Variants in DHRSX observed in about 807,000 individuals in gnomAD.
DHRSX encodes polyprenol dehydrogenase.
Under a neutral mutation model 34.0 loss-of-function variants are expected in DHRSX, and 31 were observed. The observed-to-expected ratio is 0.91, with a 90% CI of 0.69 to 1.23. The LOEUF (loss-of-function observed/expected upper bound fraction) is 1.23. DHRSX is among the 50% of genes most tolerant of loss of function. The pLI is 0.00. For missense variants in DHRSX, 414 were observed against 428.1 expected (o/e 0.97, Z 0.29); for synonymous variants, 201 against 183.8 (o/e 1.09, Z -0.76).
chrX:2,266,995 G>A lies in DHRSX; in HGVS notation c.389-48C>T, dbSNP rs2041484083. The A allele has an allele frequency of 8.2e-6, 13 of 1,592,696 alleles. No homozygotes were observed. In the East Asian group the frequency reaches 2.7e-4, roughly 33 times the overall value. ...AGGAGTTAGACTGGGGAAGACAGTG[G>A]AGAAATCTCACAGATGGATTCCCCA... On this transcript the variant is annotated intron_variant, in intron 4 of 6. Coordinates refer to ENST00000334651, the MANE Select transcript of DHRSX (RefSeq NM_145177.3).
chrX:2,263,248 T>C (rs1418738678), intron 5 of DHRSX, among the ~76,000 whole-genome samples: 1 of 152,096 alleles, frequency 6.6e-6, no homozygotes. Context: ...TGAGATGGTG[T>C]TAGGAGGTGA....
chrX:2,430,940 A>T lies in DHRSX; in HGVS notation c.110-5636T>A, dbSNP rs2043911114. Among the ~76,000 whole-genome samples, 3 of 152,152 alleles carry T rather than the reference A, an allele frequency of 2.0e-5. No individual in the cohort carries two copies. In the South Asian group the frequency reaches 6.2e-4, roughly 32 times the overall value. On this transcript the variant is annotated intron_variant, in intron 1 of 6. Transcript: ENST00000334651. Reference sequence around the variant, plus strand: ...CCCGGGAGGCTGAGTTCAGAGGATCACGCAAGACTGGGAGGTTGAGGCTGT... The same window carrying T: ...CCCGGGAGGCTGAGTTCAGAGGATCTCGCAAGACTGGGAGGTTGAGGCTGT...
intron 3 of DHRSX, among the ~76,000 whole-genome samples, chrX:2,377,368 T>C (rs1430120939): frequency 2.0e-5 from 3 of 151,692 alleles, no homozygotes; most frequent in Non-Finnish European, 1.5e-5. Context: ...TGGGAGACAG[T>C]GGCAGATCAT....
intron 5 of DHRSX, among the ~76,000 whole-genome samples, chrX:2,247,388 C>T (rs1385132052): frequency 6.6e-6 from 1 of 151,938 alleles, no homozygotes; most frequent in Admixed American, 6.6e-5. Flanking sequence ...GGTGCAGTGG[C>T]TCACACCTCT....
chrX:2,465,811 A>G (rs1045962394), intron 1 of DHRSX, among the ~76,000 whole-genome samples: 14 of 86,082 alleles, frequency 1.6e-4, no homozygotes, highest in African/African-American at 6.9e-4. Flanking sequence ...CTCCATCGCA[A>G]AAAAAAAAAA....
chrX:2,435,701 G>A (rs2043983001), intron 1 of DHRSX, among the ~76,000 whole-genome samples: 1 of 152,176 alleles, frequency 6.6e-6, no homozygotes, highest in Non-Finnish European at 1.5e-5. Context: ...GGACTTGAAG[G>A]CTGCAGTGAG....
intron 1 of DHRSX, among the ~76,000 whole-genome samples, chrX:2,466,497 G>A (rs1422802212): frequency 6.6e-6 from 1 of 152,092 alleles, no homozygotes; most frequent in African/African-American, 2.4e-5. Context: ...CATGCATGGA[G>A]GTGGAGGCCA....
At position 2,410,698 on chromosome X, in the gene DHRSX, T is replaced by C. The variant is rs144086877; in HGVS notation, c.218-1885A>G. Among the ~76,000 whole-genome samples the C allele has an allele frequency of 6.8e-3, 1,029 of 152,228 alleles. 5 individuals carry two copies. Among genetic ancestry groups the C allele is most frequent in the African/African-American group, 0.024 (981 of 41,534 alleles). ...TTAGAATGCACTTTTCAAAAAACAA[T>C]GAAAATGTTTTCAGCAAAGAGTGAA... On this transcript the variant is annotated intron_variant, in intron 2 of 6. Coordinates refer to ENST00000334651, the MANE Select transcript of DHRSX (RefSeq NM_145177.3).
At chrX:2,434,544 G>A (rs887827938) in intron 1 of DHRSX, among the ~76,000 whole-genome samples, 3 of 152,252 alleles carry the variant, frequency 2.0e-5, no homozygotes, top group African/African-American at 4.8e-5. Flanking sequence ...GGTGATGCTC[G>A]CCTGTAGTCC....
At position 2,268,593 on chromosome X, in the gene DHRSX, A is replaced by T. The variant is rs1265380218; in HGVS notation, c.389-1646T>A. ...TCTTTACATGCAGATTCATTTTCAA[A>T]TGCCTATAAATTTGTGCATATTTTC... is the stretch of plus-strand genomic sequence containing the variant. On this transcript the variant is annotated intron_variant, in intron 4 of 6. Transcript: ENST00000334651. Among the ~76,000 whole-genome samples, 5 of 152,324 alleles carry T rather than the reference A, an allele frequency of 3.3e-5. No homozygotes were observed. The East Asian group carries it at 9.6e-4, about 29-fold the overall frequency.
intron 1 of DHRSX, chrX:2,489,830 G>T: frequency 1.2e-6 from 2 of 1,613,650 alleles, no homozygotes; most frequent in South Asian, 2.2e-5. Flanking sequence ...CTGGATGCCG[G>T]CATTGAAGGT....
intron 5 of DHRSX, among the ~76,000 whole-genome samples, chrX:2,256,599 G>A (rs1041870933): frequency 3.3e-5 from 5 of 152,122 alleles, no homozygotes; most frequent in Non-Finnish European, 7.4e-5. Context: ...GGGATGATTC[G>A]GTACAGCCAA....
rs1465511147 is a variant in DHRSX, at chrX:2,219,686, G to A, written c.*1355C>T. The A allele has an allele frequency of 6.6e-6, 1 of 152,170 alleles. No homozygotes were observed. Among genetic ancestry groups the A allele is most frequent in the Non-Finnish European group, 1.5e-5 (1 of 68,054 alleles). 9.4% of individuals were successfully genotyped at this position (152,170 alleles called of 1,614,324 possible). A position where few individuals can be genotyped will look rare whatever the true frequency, so the allele number is the denominator to read the frequency against. On this transcript the variant is annotated 3_prime_UTR_variant, in exon 7 of 7. Transcript: ENST00000334651. The stretch of plus-strand genomic sequence containing the variant: ...TGATTCTAAGGTACAGGCATGCCAG[G>A]AGCCTGGATTTGAATAGTCAGTGGG...
At chrX:2,288,690 G>A (rs1235941113) in intron 4 of DHRSX, among the ~76,000 whole-genome samples, 1 of 152,226 alleles carries the variant, frequency 6.6e-6, no homozygotes, top group Non-Finnish European at 1.5e-5. Context: ...GGCATTGAGC[G>A]AAGGTAAAAG....
At chrX:2,472,143 C>CAAAA (rs112638597) in intron 1 of DHRSX, among the ~76,000 whole-genome samples, 2,658 of 120,780 alleles carry the variant, frequency 0.022, 46 homozygotes, top group Middle Eastern at 0.067. Context: ...GAAACTGTCT[C>CAAAA]AAAAAAAAAA....
At chrX:2,371,588 C>G (rs868311459) in intron 3 of DHRSX, among the ~76,000 whole-genome samples, 1 of 106,210 alleles carries the variant, frequency 9.4e-6, no homozygotes, top group Non-Finnish European at 2.0e-5. Flanking sequence ...AGTACCTCCT[C>G]CCATTAGCAG....
chrX:2,426,248 A>G (rs2043845182), intron 1 of DHRSX, among the ~76,000 whole-genome samples: 3 of 152,170 alleles, frequency 2.0e-5, no homozygotes, highest in Admixed American at 2.0e-4. Flanking sequence ...TCACACGTGC[A>G]GATAGCATCT....
At chrX:2,374,461 G>A (rs781755981) in intron 3 of DHRSX, among the ~76,000 whole-genome samples, 14 of 151,100 alleles carry the variant, frequency 9.3e-5, no homozygotes, top group East Asian at 3.9e-4. Context: ...GTGAGCAGCC[G>A]GGCACAGTGA....
intron 5 of DHRSX, among the ~76,000 whole-genome samples, chrX:2,248,267 A>C (rs1277750782): frequency 6.6e-6 from 1 of 152,026 alleles, no homozygotes; most frequent in Non-Finnish European, 1.5e-5. Context: ...CCCGGTCTCT[A>C]CTAAAAATAC....
Sources: gnomAD v4.1 joint callset for allele counts (sites outside exome capture counted in the v4.1 genomes callset) on GRCh38, gnomAD v4.1.1 for gene constraint, MANE v1.5 for transcripts, NCBI Gene and HGNC (gene_info 2026-07-23, HGNC 2026-07-21) for gene names.